IL1RAP: variants seen among roughly 807,000 people sequenced by gnomAD.
IL1RAP encodes the protein interleukin-1 receptor accessory protein.
In IL1RAP, 35 loss-of-function variants were observed where a neutral mutation model predicts 60.7. That is an observed-to-expected ratio of 0.58 (90% CI 0.44 to 0.76). The LOEUF is 0.76. IL1RAP is among the 30% of genes least tolerant of loss of function. The pLI is 0.00. For missense variants in IL1RAP, 572 were observed against 693.9 expected, an observed-to-expected ratio of 0.82 and a Z score of 1.97; for synonymous variants, 268 against 250.9, an observed-to-expected ratio of 1.07 and a Z score of -0.64.
intron 1 of IL1RAP, among the ~76,000 whole-genome samples, chr3:190,545,637 T>C (rs1214519250): frequency 6.6e-6 from 1 of 152,152 alleles, no homozygotes; most frequent in Non-Finnish European, 1.5e-5. Flanking sequence ...GACAAGAACA[T>C]ACAATGGAAA....
intron 5 of IL1RAP, among the ~76,000 whole-genome samples, chr3:190,615,618 G>T (rs1731200626): frequency 6.6e-6 from 1 of 152,138 alleles, no homozygotes; most frequent in African/African-American, 2.4e-5. Context: ...AATAGATAAT[G>T]ACTTTTCTAT....
At chr3:190,595,876 ACT>A (rs1683632002) in intron 3 of IL1RAP, among the ~76,000 whole-genome samples, 1 of 152,142 alleles carries the variant, frequency 6.6e-6, no homozygotes, top group East Asian at 1.9e-4. Flanking sequence ...CATTCAGTTA[ACT>A]CTATTTCTAT....
At chr3:190,616,906 C>T (rs1353692372) in intron 5 of IL1RAP, among the ~76,000 whole-genome samples, 1 of 152,154 alleles carries the variant, frequency 6.6e-6, no homozygotes, top group Non-Finnish European at 1.5e-5. Context: ...CCCACTGTCC[C>T]TCATACAAGT....
intron 9 of IL1RAP, among the ~76,000 whole-genome samples, chr3:190,643,258 T>C (rs574136959): frequency 1.3e-5 from 2 of 152,216 alleles, no homozygotes; most frequent in South Asian, 4.1e-4. Context: ...AAAGCTTATA[T>C]AAAATAATGA....
At chr3:190,627,743 A>C (rs1732431687) in intron 8 of IL1RAP, among the ~76,000 whole-genome samples, 1 of 152,194 alleles carries the variant, frequency 6.6e-6, no homozygotes, top group African/African-American at 2.4e-5. Context: ...AAGCCCAGCA[A>C]GATTCACACA....
In IL1RAP at chr3:190,649,842, G is replaced by C. The variant is rs1734286446; in HGVS notation, c.*1137G>C. 4.1e-6 allele frequency: 4 copies of C among 985,066 alleles called. No individual in the cohort carries two copies. Among genetic ancestry groups the C allele is most frequent in the Admixed American group, 1.2e-4 (2 of 16,248 alleles). 61.0% of individuals were successfully genotyped at this position (985,066 alleles called of 1,614,324 possible). On this transcript the variant is annotated 3_prime_UTR_variant, in exon 12 of 12. Coordinates refer to ENST00000447382, the MANE Select transcript of IL1RAP (RefSeq NM_002182.4). The stretch of plus-strand genomic sequence containing the variant: ...AGTCACTGTCAATGAAAGTTGTTTT[G>C]TTTGTTTTCAGTAATATTTTGCTGT...
At position 190,648,410 on chromosome 3, in the gene IL1RAP, TGCTCCA is replaced by T; in HGVS notation, c.1420_1425del (p.Leu474_Gln475del). 6.2e-7 allele frequency: 1 copy of T among 1,613,920 alleles called. No individual in the cohort carries two copies. The highest frequency in any genetic ancestry group is 8.5e-7 in the Non-Finnish European group (1 of 1,179,928). ...CTGGTTGTTCTAAGCCCCAACTACG[TGCTCCA>T]GGGAACCCAAGCCCTCCTGGAGCTC... On this transcript the variant is annotated inframe_deletion, in exon 12 of 12. Transcript: ENST00000447382.
rs1469628590 is a variant in IL1RAP at position 190,639,082 on chromosome 3, A to G, written c.1052-5166A>G. Among the ~76,000 whole-genome samples, 9 of 152,256 alleles carry G rather than the reference A, an allele frequency of 5.9e-5. No individual in the cohort carries two copies. In the East Asian group the frequency reaches 9.6e-4, roughly 16 times the overall value. ...CTTTATTGATTTTGAAAATCAAATT[A>G]TGATGGCCTGTGGTGTCCTTTGTGT... On this transcript the variant is annotated intron_variant, in intron 9 of 11. Transcript: ENST00000447382.
chr3:190,637,056 G>A (rs189695274), intron 9 of IL1RAP, among the ~76,000 whole-genome samples: 3 of 152,116 alleles, frequency 2.0e-5, no homozygotes, highest in East Asian at 1.9e-4. Context: ...TTACTATGGC[G>A]TATTTCCATT....
At chr3:190,522,419 GTATCTATCTATC>G (rs36196626) in intron 1 of IL1RAP, among the ~76,000 whole-genome samples, 3,176 of 142,718 alleles carry the variant, frequency 0.022, 75 homozygotes, top group East Asian at 0.1. Context: ...ATGTATCTAT[GTATCTATCTATC>G]TATCTATCTA....
In IL1RAP at chr3:190,644,073, A is replaced by G. The variant is rs560428397; in HGVS notation, c.1052-175A>G. ...AGGTGCTGGAAACAAAAAGATAAACATAACACAGTCTAGTATTTTAAAATA... is the reference window on the plus strand; with the variant it reads ...AGGTGCTGGAAACAAAAAGATAAACGTAACACAGTCTAGTATTTTAAAATA... On this transcript the variant is annotated intron_variant, in intron 9 of 11. Coordinates refer to ENST00000447382, the MANE Select transcript of IL1RAP (RefSeq NM_002182.4). 28 of 953,904 alleles carry G rather than the reference A, an allele frequency of 2.9e-5. 1 individual carries two copies. The highest frequency in any genetic ancestry group is 4.8e-5 in the South Asian group (1 of 20,660). 59.1% of individuals were successfully genotyped at this position (953,904 alleles called of 1,614,324 possible). A position where few individuals can be genotyped will look rare whatever the true frequency, so the allele number is the denominator to read the frequency against.
chr3:190,581,756 A>C (rs894861410), intron 3 of IL1RAP, among the ~76,000 whole-genome samples: 2 of 152,250 alleles, frequency 1.3e-5, no homozygotes, highest in Non-Finnish European at 2.9e-5. Context: ...TGGGAAAAGA[A>C]ACTTTATTCA....
intron 5 of IL1RAP, among the ~76,000 whole-genome samples, chr3:190,618,175 G>A (rs1175358026): frequency 1.3e-5 from 2 of 152,180 alleles, no homozygotes; most frequent in Non-Finnish European, 2.9e-5. Flanking sequence ...GAAATTAAAA[G>A]CAAGGACTTT....
intron 1 of IL1RAP, among the ~76,000 whole-genome samples, chr3:190,538,186 T>G (rs975858011): frequency 1.3e-5 from 2 of 152,138 alleles, no homozygotes; most frequent in African/African-American, 4.8e-5. Context: ...TTATTTACAC[T>G]TTATGCCTTA....
At chr3:190,543,033 T>C (rs1014875442) in intron 1 of IL1RAP, among the ~76,000 whole-genome samples, 1 of 152,048 alleles carries the variant, frequency 6.6e-6, no homozygotes, top group Non-Finnish European at 1.5e-5. Context: ...CCCTCGATGG[T>C]CATTGGGTGG....
rs545307000 is a variant in IL1RAP, at chr3:190,607,439, A to G, written c.351-1556A>G. Among the ~76,000 whole-genome samples, 6 of 152,352 alleles carry G rather than the reference A, an allele frequency of 3.9e-5. No individual in the cohort carries two copies. The South Asian group carries it at 1.2e-3, about 32-fold the overall frequency. ...CTGTACTAGATGCAATTTATGTAAT[A>G]AAAAACATAAATAGCGTTGTGGGAC... On this transcript the variant is annotated intron_variant, in intron 4 of 11. Transcript: ENST00000447382.
chr3:190,568,145 C>T (rs1055437122), intron 3 of IL1RAP, among the ~76,000 whole-genome samples: 5 of 152,304 alleles, frequency 3.3e-5, no homozygotes, highest in Middle Eastern at 3.4e-3. Context: ...GGCACACACA[C>T]GGATCTTTGA....
intron 3 of IL1RAP, among the ~76,000 whole-genome samples, chr3:190,579,851 T>C (rs542675947): frequency 6.6e-6 from 1 of 152,338 alleles, no homozygotes; most frequent in South Asian, 2.1e-4. Context: ...ATATTGTGAT[T>C]GATTTAGTTT....
chr3:190,609,091 G>A lies in IL1RAP; in HGVS notation c.447G>A (p.Leu149=). Residue 149 remains leucine (L), a synonymous_variant, in exon 5 of 12, where the codon CTG becomes CTA. Coordinates refer to ENST00000447382, the MANE Select transcript of IL1RAP (RefSeq NM_002182.4). ...CCATGAAACTCCCAGTGCATAAACT[G>A]TATATAGAATATGGCATTCAGAGGA... The part of the protein sequence containing the change: ...NSPMKLPVHK[L]YIEYGIQRIT... 5 of 1,613,082 alleles carry A rather than the reference G, an allele frequency of 3.1e-6. No homozygotes were observed. The highest frequency in any genetic ancestry group is 3.4e-6 in the Non-Finnish European group (4 of 1,179,278).
Sources: gnomAD v4.1 joint callset for allele counts (sites outside exome capture counted in the v4.1 genomes callset) on GRCh38, gnomAD v4.1.1 for gene constraint, MANE v1.5 for transcripts, NCBI Gene and HGNC (gene_info 2026-07-23, HGNC 2026-07-21) for gene names.